The following VEPH1 variants were observed in gnomAD, a reference collection of about 807,000 sequenced individuals.
VEPH1 encodes ventricular zone-expressed PH domain-containing protein homolog 1.
VEPH1 carries 80 observed loss-of-function variants against 85.2 expected under a neutral mutation model. The ratio of observed to expected loss-of-function variants is 0.94; its 90% CI spans 0.78 to 1.13. VEPH1 has a LOEUF of 1.13. Ranked by LOEUF, VEPH1 falls within the 50% of genes most tolerant of loss-of-function variation. The pLI is 0.00. For synonymous variants in VEPH1, 297 were observed against 348.0 expected, an observed-to-expected ratio of 0.85 and a Z score of 1.63; for missense variants, 955 against 980.5, an observed-to-expected ratio of 0.97 and a Z score of 0.35.
intron 10 of VEPH1, among the ~76,000 whole-genome samples, chr3:157,316,300 GC>G (rs1720749917): frequency 6.6e-6 from 1 of 151,420 alleles, no homozygotes; most frequent in South Asian, 2.1e-4. Flanking sequence ...TGTTTTTTCT[GC>G]CTTTACCCTC....
Position 157,405,103 on chromosome 3 carries a change from C to T in VEPH1, c.906+8778G>A, listed in dbSNP as rs140439328. On this transcript the variant is annotated intron_variant, in intron 6 of 13. Coordinates refer to ENST00000362010, the MANE Select transcript of VEPH1 (RefSeq NM_001167912.2). ...TCTGGAAGGAGGAAGATCAAGTCTG[C>T]GGGGACCAGGCTGCCGATTTCTGGA... 6.8e-3 allele frequency among the ~76,000 whole-genome samples: 1,041 copies of T among 152,174 alleles called. 18 individuals carry two copies. The highest frequency in any genetic ancestry group is 0.024 in the African/African-American group (995 of 41,506).
At chr3:157,340,331 G>A (rs1723403366) in intron 9 of VEPH1, among the ~76,000 whole-genome samples, 1 of 152,184 alleles carries the variant, frequency 6.6e-6, no homozygotes, top group Non-Finnish European at 1.5e-5. Context: ...CCCTAATACT[G>A]CACTTTTCCA....
intron 4 of VEPH1, among the ~76,000 whole-genome samples, chr3:157,450,562 A>G (rs2109303005): frequency 6.7e-6 from 1 of 149,826 alleles, no homozygotes; most frequent in African/African-American, 2.5e-5. Flanking sequence ...CACTATATGT[A>G]TATAGTGAAA....
At chr3:157,442,361 T>C in intron 4 of VEPH1, 3 of 1,599,352 alleles carry the variant, frequency 1.9e-6, no homozygotes, top group Non-Finnish European at 2.6e-6. Context: ...TTCTTGCTAC[T>C]CTAGGTTGTG....
At chr3:157,267,102 C>CTTTTTTTTTTTT (rs10537483) in intron 12 of VEPH1, among the ~76,000 whole-genome samples, 3 of 124,676 alleles carry the variant, frequency 2.4e-5, no homozygotes, top group Non-Finnish European at 3.3e-5. Context: ...TCTTTTTTTT[C>CTTTTTTTTTTTT]TTTTTTTTTT....
chr3:157,424,050 C>T (rs970045481), intron 5 of VEPH1, among the ~76,000 whole-genome samples: 19 of 152,098 alleles, frequency 1.2e-4, no homozygotes, highest in African/African-American at 3.4e-4. Flanking sequence ...TCTCCCAAAT[C>T]GCATGTTGAA....
intron 4 of VEPH1, among the ~76,000 whole-genome samples, chr3:157,452,515 T>C (rs752661364): frequency 6.6e-5 from 10 of 152,202 alleles, no homozygotes; most frequent in Non-Finnish European, 1.0e-4. Flanking sequence ...TAAAGTGGGT[T>C]GTCACAGGAA....
intron 5 of VEPH1, among the ~76,000 whole-genome samples, chr3:157,426,486 C>T (rs1343472927): frequency 6.6e-6 from 1 of 152,258 alleles, no homozygotes; most frequent in East Asian, 1.9e-4. Context: ...TGAACCAAAC[C>T]TCATCTGATT....
chr3:157,384,034 C>T (rs1553775994), intron 6 of VEPH1, among the ~76,000 whole-genome samples: 1 of 152,122 alleles, frequency 6.6e-6, no homozygotes, highest in Admixed American at 6.5e-5. Flanking sequence ...TGCCAGACCC[C>T]CTTCTAGAAG....
intron 4 of VEPH1, chr3:157,442,459 C>T (rs147237595): frequency 1.2e-6 from 2 of 1,614,022 alleles, no homozygotes; most frequent in Non-Finnish European, 1.7e-6. Flanking sequence ...TCTTTTAGTG[C>T]CTGCATTTGG....
At chr3:157,377,699 T>A (rs562819278) in intron 7 of VEPH1, among the ~76,000 whole-genome samples, 2 of 152,256 alleles carry the variant, frequency 1.3e-5, no homozygotes, top group South Asian at 4.2e-4. Flanking sequence ...GTGAAGATGG[T>A]GTCTTGCTTC....
At chr3:157,278,851 GTGTT>G (rs546375642) in intron 12 of VEPH1, among the ~76,000 whole-genome samples, 25 of 152,244 alleles carry the variant, frequency 1.6e-4, no homozygotes, top group African/African-American at 5.8e-4. Context: ...AGAAGAGTAA[GTGTT>G]TGGGGGAAGC....
chr3:157,315,201 TAATA>T (rs767656156), intron 10 of VEPH1, among the ~76,000 whole-genome samples: 3 of 152,180 alleles, frequency 2.0e-5, no homozygotes, highest in Non-Finnish European at 4.4e-5. Flanking sequence ...GAATGAAGAT[TAATA>T]AATACTATTC....
rs149689065 is a variant in VEPH1 at position 157,402,297 on chromosome 3, GACAA to G, written c.906+11580_906+11583del. 2.5e-3 allele frequency among the ~76,000 whole-genome samples: 375 copies of G among 152,298 alleles called. 2 individuals are homozygous for G. Among genetic ancestry groups the G allele is most frequent in the East Asian group, 0.018 (93 of 5,182 alleles). ...ACTAGCCAAGAAGGAGGAGTTGGTA[GACAA>G]ACAGTGCTTTAGAAATGTGTAGCTG... On this transcript the variant is annotated intron_variant, in intron 6 of 13. Coordinates refer to ENST00000362010, the MANE Select transcript of VEPH1 (RefSeq NM_001167912.2).
intron 5 of VEPH1, among the ~76,000 whole-genome samples, chr3:157,419,396 TGGGAGAA>T (rs1247928494): frequency 6.6e-6 from 1 of 152,158 alleles, no homozygotes; most frequent in East Asian, 1.9e-4. Flanking sequence ...ATCTACAGAA[TGGGAGAA>T]GATTTTTGCA....
intron 1 of VEPH1, among the ~76,000 whole-genome samples, chr3:157,496,560 GT>G (rs1739681024): frequency 6.6e-6 from 1 of 152,188 alleles, no homozygotes; most frequent in South Asian, 2.1e-4. Context: ...CCAAGAGTGA[GT>G]TATTTAATAC....
intron 11 of VEPH1, among the ~76,000 whole-genome samples, chr3:157,295,987 C>G (rs1027460215): frequency 7.2e-5 from 11 of 152,120 alleles, no homozygotes; most frequent in Non-Finnish European, 1.3e-4. Flanking sequence ...AAATTATGGT[C>G]TATTTACACA....
chr3:157,497,314 A>G (rs757160314), intron 1 of VEPH1, among the ~76,000 whole-genome samples: 8 of 152,120 alleles, frequency 5.3e-5, no homozygotes, highest in Non-Finnish European at 1.2e-4. Flanking sequence ...GCAACCAGAG[A>G]GCAAGACAGT....
chr3:157,323,768 C>T (rs1465599879), intron 9 of VEPH1, among the ~76,000 whole-genome samples: 4 of 151,950 alleles, frequency 2.6e-5, no homozygotes, highest in African/African-American at 7.3e-5. Context: ...CATAGGTGTA[C>T]AAAGACCTAT....
Sources: allele counts gnomAD v4.1 joint callset (sites outside exome capture counted in the v4.1 genomes callset), GRCh38; gene constraint gnomAD v4.1.1; transcripts MANE v1.5; gene names NCBI Gene and HGNC (gene_info 2026-07-23, HGNC 2026-07-21).